LILRA1: variants seen among roughly 807,000 people sequenced by gnomAD.
LILRA1 encodes leukocyte immunoglobulin like receptor A1.
In LILRA1, 51 loss-of-function variants were observed where a neutral mutation model predicts 51.6. The ratio of observed to expected loss-of-function variants is 0.99; its 90% CI spans 0.79 to 1.25. LILRA1 has a LOEUF of 1.25. Among genes scored for constraint, LILRA1 ranks in the 50% most tolerant of loss-of-function variants. The probability of loss-of-function intolerance (pLI) is 0.00; values close to 1 mark genes in which losing one functional copy is unlikely to be tolerated. For missense variants in LILRA1, 660 were observed against 611.7 expected (o/e 1.08, Z -0.83); for synonymous variants, 305 against 248.4 (o/e 1.23, Z -2.14).
At position 54,594,496 on chromosome 19, in the gene LILRA1, T is replaced by A. The variant is rs1217039746; in HGVS notation, c.70+20T>A. ...AGGCAGGTGAGTCTGTCCCCAGCTC[T>A]CCCAGGTCCCTCCTCCTCACTGGGG... is the stretch of plus-strand genomic sequence containing the variant. On this transcript the variant is annotated intron_variant, in intron 3 of 9. Transcript: ENST00000251372. The A allele has an allele frequency of 2.5e-6, 4 of 1,613,904 alleles. No individual in the cohort carries two copies. The highest frequency in any genetic ancestry group is 3.4e-6 in the Non-Finnish European group (4 of 1,179,992).
intron 8 of LILRA1, chr19:54,599,568 C>T: frequency 8.8e-7 from 1 of 1,131,700 alleles, no homozygotes; most frequent in Non-Finnish European, 1.1e-6. Context: ...TTCAATGGAT[C>T]TCCTCTAATT....
rs1279123674 is a variant in LILRA1 at position 54,595,134 on chromosome 19, C to A, written c.393C>A (p.Pro131=). Residue 131 remains proline, a synonymous_variant, in exon 5 of 10, where the codon CCC becomes CCA. Coordinates refer to ENST00000251372, the MANE Select transcript of LILRA1 (RefSeq NM_006863.4). ...AYIKPTLSAL[P]SPVVTSGGNV... is the part of the protein sequence containing the mutation. The stretch of plus-strand genomic sequence containing the variant: ...TCAAACCCACCCTCTCAGCTCTACC[C>A]AGCCCTGTGGTGACCTCAGGAGGGA... 1 of 1,613,998 alleles carries A rather than the reference C, an allele frequency of 6.2e-7. No homozygotes were observed. Among genetic ancestry groups the A allele is most frequent in the Non-Finnish European group, 8.5e-7 (1 of 1,179,986 alleles).
chr19:54,600,492 C>T lies in LILRA1; in HGVS notation c.1313-20C>T, dbSNP rs201805941. 2.2e-5 allele frequency: 36 copies of T among 1,613,934 alleles called. No individual in the cohort carries two copies. The Middle Eastern group carries it at 5.0e-4, about 22-fold the overall frequency. On this transcript the variant is annotated intron_variant, in intron 8 of 9. Coordinates refer to ENST00000251372, the MANE Select transcript of LILRA1 (RefSeq NM_006863.4). ...GGGAGAGGCTGGCTCAGGGCTCTTCCCCTCTGTTTTTATTCTCAGGAGCAG... is the reference window on the plus strand; with the variant it reads ...GGGAGAGGCTGGCTCAGGGCTCTTCTCCTCTGTTTTTATTCTCAGGAGCAG...
intron 1 of LILRA1, 78 bp downstream of exon 1, chr19:54,593,859 G>A (rs72487126): frequency 0.042 from 23,382 of 561,986 alleles, 1,877 homozygotes; most frequent in East Asian, 0.29. Context: ...GAGAAGGAAA[G>A]GGAAGCCTCC....
chr19:54,600,761 C>T lies in LILRA1; in HGVS notation c.1414C>T (p.Leu472=). The change falls in exon 10 of 10, where the codon CTG becomes TTG. Residue 472 remains leucine (L), a synonymous_variant. Transcript: ENST00000251372. ...LIRMGIAGLV[L]VVLGILLFEA... is the part of the protein sequence containing the mutation. The stretch of plus-strand genomic sequence containing the variant: ...CCGCATGGGCATAGCTGGCTTGGTC[C>T]TGGTGGTCCTCGGGATTCTGCTATT... 6.2e-7 allele frequency: 1 copy of T among 1,614,112 alleles called. No individual in the cohort carries two copies. Among genetic ancestry groups the T allele is most frequent in the Non-Finnish European group, 8.5e-7 (1 of 1,180,016 alleles).
intron 7 of LILRA1, among the ~76,000 whole-genome samples, chr19:54,597,891 C>T (rs2063092719): frequency 6.6e-6 from 1 of 151,636 alleles, no homozygotes; most frequent in Admixed American, 6.5e-5. Context: ...TGCACGGCCC[C>T]TCCTTAGTCT....
intron 7 of LILRA1, among the ~76,000 whole-genome samples, chr19:54,597,407 T>TC (rs2063082325): frequency 2.6e-4 from 39 of 148,392 alleles, no homozygotes; most frequent in Admixed American, 5.4e-4. Flanking sequence ...CGAGCAGGAT[T>TC]CCAGGAGACA....
Position 54,600,685 on chromosome 19 carries a change from C to A in LILRA1, c.1352-14C>A, listed in dbSNP as rs548118945. ...TGCCCTGACCTCTGTGACCTCTTTG[C>A]CCACCATCCCCAGCCTCACACCCCC... is the stretch of plus-strand genomic sequence containing the variant. On this transcript the variant is annotated splice_polypyrimidine_tract_variant and intron_variant, in intron 9 of 9. Coordinates refer to ENST00000251372, the MANE Select transcript of LILRA1 (RefSeq NM_006863.4). 6.2e-7 allele frequency: 1 copy of A among 1,613,824 alleles called. No individual in the cohort carries two copies. Among genetic ancestry groups the A allele is most frequent in the South Asian group, 1.1e-5 (1 of 91,060 alleles).
chr19:54,601,451 C>G lies in LILRA1; in HGVS notation c.*634C>G, dbSNP rs1159477655. ...TCCACACATGGTCATCACCCTACAC[C>G]CATTCAGCAGCCACTCCCCATTCCC... On this transcript the variant is annotated 3_prime_UTR_variant, in exon 10 of 10. Transcript: ENST00000251372. 6.5e-6 allele frequency: 1 copy of G among 154,216 alleles called. No individual in the cohort carries two copies. The highest frequency in any genetic ancestry group is 1.4e-5 in the Non-Finnish European group (1 of 69,378). The allele number at this position is 154,216 out of a possible 1,614,324, so 9.6% of individuals were successfully genotyped here. A position where few individuals can be genotyped will look rare whatever the true frequency, so the allele number is the denominator to read the frequency against.
At chr19:54,593,935 T>C (rs1481851409) in intron 1 of LILRA1, among the ~76,000 whole-genome samples, 154 bp downstream of exon 1, 1 of 151,964 alleles carries the variant, frequency 6.6e-6, no homozygotes, top group African/African-American at 2.4e-5. Flanking sequence ...ATCCCGTCTC[T>C]CAGTGAGAAG....
In LILRA1 at chr19:54,598,001, G is replaced by A. The variant is rs535313997; in HGVS notation, c.1262-1235G>A. The stretch of plus-strand genomic sequence containing the variant: ...CTTCTCTCTAAAGGAGCACGTTTTG[G>A]GTGGACTCAACCCTCACCACAGTCA... On this transcript the variant is annotated intron_variant, in intron 7 of 9. Transcript: ENST00000251372. Among the ~76,000 whole-genome samples, 448 of 151,114 alleles carry A rather than the reference G, an allele frequency of 3.0e-3. 1 individual carries two copies. Among genetic ancestry groups the A allele is most frequent in the African/African-American group, 0.011 (436 of 41,250 alleles).
At chr19:54,599,608 C>A (rs1255186021) in intron 8 of LILRA1, 2 of 1,057,538 alleles carry the variant, frequency 1.9e-6, no homozygotes, top group Admixed American at 9.9e-5. Context: ...AACCGTAAGA[C>A]AATGGGAAAT....
Position 54,600,817 on chromosome 19 carries a change from A to G in LILRA1, c.1470A>G (p.Ter490TrpextTer6). The G allele has an allele frequency of 6.2e-7, 1 of 1,614,072 alleles. No individual in the cohort carries two copies. The highest frequency in any genetic ancestry group is 8.5e-7 in the Non-Finnish European group (1 of 1,179,962). Residue 490 changes from the stop codon to tryptophan, a stop_lost, in exon 10 of 10, where the codon TGA becomes TGG. Coordinates refer to ENST00000251372, the MANE Select transcript of LILRA1 (RefSeq NM_006863.4). ...CTCAGCACAGCCAGAGAAGCCTCTG[A>G]GATGCAGCCGGGAGGTGAACAGCAG... is the stretch of plus-strand genomic sequence containing the variant. Reference protein sequence around the residue: ...FEAQHSQRSL* With the variant: ...FEAQHSQRSLW
In LILRA1 at chr19:54,595,416, A is replaced by G; in HGVS notation, c.661+14A>G. On this transcript the variant is annotated intron_variant, in intron 5 of 9. Transcript: ENST00000251372. ...TCCTGGTCCTAGGTGAGAAATTCAC[A>G]GCATTGCCTGGAGTTCCCTGAGTCT... is the stretch of plus-strand genomic sequence containing the variant. 4 of 1,598,050 alleles carry G rather than the reference A, an allele frequency of 2.5e-6. No individual in the cohort carries two copies. Among genetic ancestry groups the G allele is most frequent in the Non-Finnish European group, 3.4e-6 (4 of 1,171,302 alleles).
intron 7 of LILRA1, among the ~76,000 whole-genome samples, chr19:54,597,925 C>G (rs2063093513): frequency 6.6e-6 from 1 of 151,598 alleles, no homozygotes; most frequent in Non-Finnish European, 1.5e-5. Context: ...AGCCCAAGCC[C>G]ACCAGGTGAG....
rs867395145 is a variant in LILRA1 at position 54,602,346 on chromosome 19, T to C, written c.*1529T>C. ...AATAAAGAAATGTTATCATTTGCCA[T>C]CTACCCTCTAGAATAAAGAAATCTT... On this transcript the variant is annotated 3_prime_UTR_variant, in exon 10 of 10. Transcript: ENST00000251372. Among the ~76,000 whole-genome samples the C allele has an allele frequency of 2.0e-5, 3 of 152,220 alleles. No individual in the cohort carries two copies. Among genetic ancestry groups the C allele is most frequent in the Non-Finnish European group, 4.4e-5 (3 of 68,036 alleles).
At chr19:54,596,581 G>A in intron 7 of LILRA1, 90 bp downstream of exon 7, 1 of 1,559,762 alleles carries the variant, frequency 6.4e-7, no homozygotes, top group Non-Finnish European at 8.7e-7. Flanking sequence ...GAAAAGAGGG[G>A]AGTTGGCTGG....
Position 54,596,425 on chromosome 19 carries a change from G to T in LILRA1, c.1195G>T (p.Gly399Cys), listed in dbSNP as rs151065493. ...SAHSGTYRCY[G>C]SLSSNPYLLS... ...CCACTCGGGGACCTACAGGTGCTAC[G>T]GCTCACTCAGCTCCAACCCCTACCT... Residue 399 changes from glycine to cysteine, a missense_variant, in exon 7 of 10, where the codon GGC becomes TGC. Gly to Cys is a radical substitution (Grantham distance 159, BLOSUM62 -3). Coordinates refer to ENST00000251372, the MANE Select transcript of LILRA1 (RefSeq NM_006863.4). 2 of 1,613,700 alleles carry T rather than the reference G, an allele frequency of 1.2e-6. No homozygotes were observed. The highest frequency in any genetic ancestry group is 3.3e-5 in the Admixed American group (2 of 59,986).
Position 54,594,955 on chromosome 19 carries a change from G to A in LILRA1, c.358+3G>A. On this transcript the variant is annotated splice_donor_region_variant and intron_variant, in intron 4 of 9. Transcript: ENST00000251372. ...CCCCCTGGAGCTGGTGGTGACAGGT[G>A]AGCTGACACTGAGGGCTCCCAGCCC... The A allele has an allele frequency of 6.2e-7, 1 of 1,613,786 alleles. No individual in the cohort carries two copies. Among genetic ancestry groups the A allele is most frequent in the African/African-American group, 1.3e-5 (1 of 75,022 alleles).
Sources: allele counts gnomAD v4.1 joint callset (sites outside exome capture counted in the v4.1 genomes callset), GRCh38; gene constraint gnomAD v4.1.1; transcripts MANE v1.5; gene names NCBI Gene and HGNC (gene_info 2026-07-23, HGNC 2026-07-21).